The following DUSP11 variants were observed in gnomAD, a reference collection of about 807,000 sequenced individuals.
The protein encoded by DUSP11 is dual specificity phosphatase 11.
Under a neutral mutation model 41.4 loss-of-function variants are expected in DUSP11, and 27 were observed. That is an observed-to-expected ratio of 0.65 (90% CI 0.48 to 0.90). The LOEUF (loss-of-function observed/expected upper bound fraction) is 0.90, where lower values mean the gene tolerates loss of function less well. Ranked by LOEUF, DUSP11 falls within the 40% of genes least tolerant of loss-of-function variation. The probability of loss-of-function intolerance (pLI) is 0.00; values close to 1 mark genes in which losing one functional copy is unlikely to be tolerated. For missense variants in DUSP11, 465 were observed against 461.1 expected, an observed-to-expected ratio of 1.01 and a Z score of -0.08; for synonymous variants, 188 against 159.3, an observed-to-expected ratio of 1.18 and a Z score of -1.35.
chr2:73,766,328 G>T (rs1369995040), intron 8 of DUSP11, 90 bp downstream of exon 8: 45 of 1,090,174 alleles, frequency 4.1e-5, no homozygotes, highest in Non-Finnish European at 5.3e-5. Flanking sequence ...AAAAAACGAA[G>T]AATTCCTCAT....
intron 8 of DUSP11, among the ~76,000 whole-genome samples, chr2:73,763,919 T>C (rs993040165): frequency 4.6e-5 from 7 of 152,224 alleles, no homozygotes; most frequent in African/African-American, 1.4e-4. Context: ...AATGGCTTTA[T>C]AAAATGTTAT....
chr2:73,771,493 T>C (rs1275882185), intron 4 of DUSP11, among the ~76,000 whole-genome samples: 1 of 151,986 alleles, frequency 6.6e-6, no homozygotes, highest in Non-Finnish European at 1.5e-5. Flanking sequence ...GAACTGTCTT[T>C]TTTGTTCTTT....
chr2:73,766,869 T>C (rs1362240650), exon 7 of DUSP11: 1 of 1,613,588 alleles, frequency 6.2e-7, no homozygotes. Context: ...TGTAGTTTTG[T>C]CTTTCTAAGC....
intron 3 of DUSP11, 82 bp downstream of exon 3, chr2:73,774,831 G>A: frequency 2.4e-6 from 3 of 1,244,362 alleles, no homozygotes; most frequent in Non-Finnish European, 3.3e-6. Context: ...CTTCACATTA[G>A]CACAAGATGA....
intron 4 of DUSP11, chr2:73,773,594 A>T (rs1672625706): frequency 2.1e-6 from 1 of 471,994 alleles, no homozygotes; most frequent in Non-Finnish European, 3.8e-6. Flanking sequence ...CATATTTTGC[A>T]CTAAAACTAA....
At position 73,774,992 on chromosome 2, in the gene DUSP11, AAAAG is replaced by A; in HGVS notation, c.367_370del (p.Phe124ThrfsTer12). 6.2e-7 allele frequency: 1 copy of A among 1,612,962 alleles called. No individual in the cohort carries two copies. On this transcript the variant is annotated frameshift_variant, in exon 3 of 9. Coordinates refer to ENST00000272444, the Ensembl canonical transcript of DUSP11. LOFTEE classifies it high-confidence loss of function. ...TTCATTTTGTTCTCGGATTTTGTTA[AAAAG>A]ATCCAAAGGGGAAAAGCATTCTTCT... is the stretch of plus-strand genomic sequence containing the variant.
intron 7 of DUSP11, 104 bp from the exon 8 acceptor site, chr2:73,766,698 C>A: frequency 7.2e-7 from 1 of 1,394,502 alleles, no homozygotes; most frequent in South Asian, 1.3e-5. Flanking sequence ...TTCCTTCTCC[C>A]ATTCCTATTT....
exon 9 of DUSP11, chr2:73,762,515 G>A (rs1672384130): frequency 4.1e-6 from 2 of 485,256 alleles, no homozygotes; most frequent in South Asian, 5.7e-5. Context: ...TCAGCAAAGA[G>A]GTAAACAGCA....
intron 2 of DUSP11, among the ~76,000 whole-genome samples, chr2:73,776,974 C>G (rs867147202): frequency 6.6e-6 from 1 of 152,206 alleles, no homozygotes; most frequent in Middle Eastern, 3.4e-3. Flanking sequence ...TAAAAATTCC[C>G]TGTGTCTCCA....
intron 2 of DUSP11, among the ~76,000 whole-genome samples, chr2:73,777,083 C>T (rs1321876322): frequency 6.6e-6 from 1 of 152,138 alleles, no homozygotes; most frequent in African/African-American, 2.4e-5. Flanking sequence ...TGGGTTCAAT[C>T]GATCCTCCCA....
intron 4 of DUSP11, among the ~76,000 whole-genome samples, chr2:73,772,326 T>A (rs2103940666): frequency 6.6e-6 from 1 of 152,318 alleles, no homozygotes; most frequent in Non-Finnish European, 1.5e-5. Context: ...GTCCTCTTTT[T>A]ATCAGTGAGC....
intron 8 of DUSP11, among the ~76,000 whole-genome samples, chr2:73,764,762 T>A (rs1156796385): frequency 2.0e-5 from 3 of 151,444 alleles, no homozygotes; most frequent in South Asian, 4.2e-4. Context: ...AGGTCAGGAG[T>A]TCAAGACCAG....
At chr2:73,773,587 A>G in intron 4 of DUSP11, 3 of 469,622 alleles carry the variant, frequency 6.4e-6, no homozygotes, top group Non-Finnish European at 1.2e-5. Flanking sequence ...TTCAGTTCAT[A>G]TTTTGCACTA....
At chr2:73,778,865 G>C (rs564725838) in intron 1 of DUSP11, among the ~76,000 whole-genome samples, 1 of 152,292 alleles carries the variant, frequency 6.6e-6, no homozygotes, top group African/African-American at 2.4e-5. Context: ...GCTAGGAACT[G>C]GCCGGGCGCG....
intron 4 of DUSP11, among the ~76,000 whole-genome samples, chr2:73,770,799 G>A (rs1341283754): frequency 6.6e-6 from 1 of 152,142 alleles, no homozygotes; most frequent in Admixed American, 6.5e-5. Flanking sequence ...TACAAGGGCT[G>A]ATATGATCCA....
intron 4 of DUSP11, among the ~76,000 whole-genome samples, chr2:73,771,426 C>T (rs1332098858): frequency 6.6e-6 from 1 of 152,094 alleles, no homozygotes; most frequent in Non-Finnish European, 1.5e-5. Flanking sequence ...CCTGTCAGGC[C>T]TTCCTCAATC....
intron 5 of DUSP11, 183 bp downstream of exon 5, chr2:73,769,082 G>C (rs1672525665): frequency 3.7e-6 from 2 of 536,990 alleles, no homozygotes; most frequent in Admixed American, 3.4e-5. Flanking sequence ...GCTTGTATCT[G>C]CATTTTTAGA....
intron 7 of DUSP11, 54 bp from the exon 8 acceptor site, chr2:73,766,648 A>G (rs899362492): frequency 1.2e-5 from 18 of 1,518,712 alleles, no homozygotes; most frequent in Non-Finnish European, 1.3e-5. Context: ...TTAGTAGTCA[A>G]TTTAGTGACT....
chr2:73,769,444 A>G, intron 4 of DUSP11, 119 bp from the exon 5 acceptor site: 1 of 760,702 alleles, frequency 1.3e-6, no homozygotes, highest in Non-Finnish European at 2.1e-6. Flanking sequence ...AACATACTAT[A>G]AAGAATCATC....
Sources: allele counts gnomAD v4.1 joint callset (sites outside exome capture counted in the v4.1 genomes callset), GRCh38; gene constraint gnomAD v4.1.1; transcripts MANE v1.5; gene names NCBI Gene and HGNC (gene_info 2026-07-23, HGNC 2026-07-21).